Variants in KIAA1328 observed in about 807,000 individuals in gnomAD.
KIAA1328 encodes KIAA1328.
A neutral mutation model predicts 68.1 loss-of-function variants in KIAA1328; 52 were observed. The ratio of observed to expected loss-of-function variants is 0.76; its 90% CI spans 0.61 to 0.96. The LOEUF (loss-of-function observed/expected upper bound fraction) is 0.96, where lower values mean the gene tolerates loss of function less well. KIAA1328 is among the 40% of genes least tolerant of loss of function. KIAA1328 has a pLI of 0.00. For missense variants in KIAA1328, 641 were observed against 677.6 expected, an observed-to-expected ratio of 0.95 and a Z score of 0.60; for synonymous variants, 232 against 239.4, an observed-to-expected ratio of 0.97 and a Z score of 0.28.
At chr18:36,947,120 C>T (rs567393257) in intron 5 of KIAA1328, among the ~76,000 whole-genome samples, 3 of 152,180 alleles carry the variant, frequency 2.0e-5, no homozygotes, top group South Asian at 2.1e-4. Flanking sequence ...GCCGAGATCA[C>T]GCCACTGCAC....
intron 7 of KIAA1328, among the ~76,000 whole-genome samples, chr18:37,107,646 A>G (rs1299650089): frequency 6.6e-6 from 1 of 152,078 alleles, no homozygotes; most frequent in Non-Finnish European, 1.5e-5. Flanking sequence ...TATGTTCTTG[A>G]TTTCATTTTT....
At chr18:37,209,953 G>A (rs1342740814) in intron 9 of KIAA1328, among the ~76,000 whole-genome samples, 1 of 152,164 alleles carries the variant, frequency 6.6e-6, no homozygotes, top group Non-Finnish European at 1.5e-5. Context: ...AGATAGGAGA[G>A]CAAAGGACTG....
chr18:36,958,121 A>C (rs2051500576), intron 5 of KIAA1328, among the ~76,000 whole-genome samples: 1 of 152,098 alleles, frequency 6.6e-6, no homozygotes, highest in Non-Finnish European at 1.5e-5. Context: ...TCCATGTTGT[A>C]GCAGGTAGCA....
At chr18:36,829,280 G>C in intron 1 of KIAA1328, 84 bp downstream of exon 1, 1 of 1,441,576 alleles carries the variant, frequency 6.9e-7, no homozygotes. Context: ...GTCCGAGAGC[G>C]GAGGAGAAGC....
chr18:36,848,867 T>G (rs1182194810), intron 4 of KIAA1328, among the ~76,000 whole-genome samples: 2 of 151,846 alleles, frequency 1.3e-5, no homozygotes, highest in African/African-American at 4.8e-5. Flanking sequence ...ATTGATTGAT[T>G]TTTGAATGTT....
rs1407856155 is a variant in KIAA1328, at chr18:36,973,797, TTGTG to T, written c.576+14366_576+14369del. Among the ~76,000 whole-genome samples the T allele has an allele frequency of 3.0e-4, 35 of 118,584 alleles. No individual in the cohort carries two copies. In the East Asian group the frequency reaches 8.4e-3, roughly 29 times the overall value. 77.8% of individuals were successfully genotyped at this position (118,584 alleles called of 152,430 possible). A position where few individuals can be genotyped will look rare whatever the true frequency, so the allele number is the denominator to read the frequency against. On this transcript the variant is annotated intron_variant, in intron 6 of 9. Coordinates refer to ENST00000280020, the MANE Select transcript of KIAA1328 (RefSeq NM_020776.3). ...ACCAGGGACACAGTTTTATATATAA[TTGTG>T]TGTACGCACATACACACACACACAC... is the stretch of plus-strand genomic sequence containing the variant.
At chr18:36,960,100 C>A (rs753332462) in intron 6 of KIAA1328, among the ~76,000 whole-genome samples, 3 of 152,180 alleles carry the variant, frequency 2.0e-5, no homozygotes, top group Non-Finnish European at 4.4e-5. Context: ...AGGACACTTC[C>A]ACCCAAATAC....
At chr18:37,212,480 A>G (rs898648719) in intron 9 of KIAA1328, among the ~76,000 whole-genome samples, 4 of 152,180 alleles carry the variant, frequency 2.6e-5, no homozygotes, top group African/African-American at 9.7e-5. Context: ...CCCCTTGTTC[A>G]GAAAGAAGAA....
At chr18:36,934,281 G>C (rs1266825294) in intron 5 of KIAA1328, among the ~76,000 whole-genome samples, 4 of 151,696 alleles carry the variant, frequency 2.6e-5, no homozygotes, top group African/African-American at 7.3e-5. Context: ...GAGTATGTTT[G>C]TTTACTCCAT....
At chr18:37,110,246 CTG>C (rs1011860201) in intron 7 of KIAA1328, among the ~76,000 whole-genome samples, 2 of 151,952 alleles carry the variant, frequency 1.3e-5, no homozygotes, top group Non-Finnish European at 2.9e-5. Context: ...AAAAAAAAAT[CTG>C]TAAATGTATT....
chr18:37,107,183 G>GGGCCGGGGTCATGCCACTGTACTCC (rs2057798895), intron 7 of KIAA1328, among the ~76,000 whole-genome samples: 5 of 152,282 alleles, frequency 3.3e-5, no homozygotes, highest in African/African-American at 1.2e-4. Flanking sequence ...AGGCTGAAGT[G>GGGCCGGGGTCATGCCACTGTACTCC]GGCCGGGGTC....
chr18:37,066,697 G>C (rs1160271294), intron 6 of KIAA1328, among the ~76,000 whole-genome samples, 193 bp from the exon 7 acceptor site: 1 of 152,276 alleles, frequency 6.6e-6, no homozygotes, highest in Admixed American at 6.5e-5. Flanking sequence ...TTTACTGAAG[G>C]GTAGGTTGTT....
Position 37,224,902 on chromosome 18 carries a change from C to T in KIAA1328, c.*2675C>T. ...AAGGACACAGCATGTCCTTTGAACT[C>T]CCTAAGTAAGGCCCACAGTTCTTGA... On this transcript the variant is annotated 3_prime_UTR_variant, in exon 10 of 10. Coordinates refer to ENST00000280020, the MANE Select transcript of KIAA1328 (RefSeq NM_020776.3). 1.0e-6 allele frequency: 1 copy of T among 985,452 alleles called. No individual in the cohort carries two copies. Among genetic ancestry groups the T allele is most frequent in the Non-Finnish European group, 1.2e-6 (1 of 829,936 alleles). 61.0% of individuals were successfully genotyped at this position (985,452 alleles called of 1,614,324 possible).
chr18:36,982,044 G>A (rs1240922084), intron 6 of KIAA1328, among the ~76,000 whole-genome samples: 1 of 145,958 alleles, frequency 6.9e-6, no homozygotes, highest in Non-Finnish European at 1.5e-5. Flanking sequence ...AAATCATTGA[G>A]TTGTTGGACA....
In KIAA1328 at chr18:37,222,584, A is replaced by G. The variant is rs1191828449; in HGVS notation, c.*357A>G. 21 of 1,073,346 alleles carry G rather than the reference A, an allele frequency of 2.0e-5. No individual in the cohort carries two copies. Among genetic ancestry groups the G allele is most frequent in the Non-Finnish European group, 2.3e-5 (20 of 884,428 alleles). The allele number at this position is 1,073,346 out of a possible 1,614,324, so 66.5% of individuals were successfully genotyped here. ...TGCTAGAAAATGCTGACTCACTTTT[A>G]TATACAAGAAAAACCTTTCCACTGA... On this transcript the variant is annotated 3_prime_UTR_variant, in exon 10 of 10. Transcript: ENST00000280020.
At chr18:37,186,222 G>C (rs565880620) in intron 9 of KIAA1328, among the ~76,000 whole-genome samples, 2 of 145,218 alleles carry the variant, frequency 1.4e-5, no homozygotes, top group South Asian at 2.3e-4. Context: ...TCAGCCTCCC[G>C]AGTAGCTGGG....
At chr18:36,841,693 A>G (rs945536551) in intron 3 of KIAA1328, among the ~76,000 whole-genome samples, 1 of 152,242 alleles carries the variant, frequency 6.6e-6, no homozygotes, top group African/African-American at 2.4e-5. Context: ...TAAAAGAGCC[A>G]TAAGCAATAT....
intron 5 of KIAA1328, among the ~76,000 whole-genome samples, chr18:36,920,250 G>A (rs1208976493): frequency 6.6e-6 from 1 of 152,082 alleles, no homozygotes; most frequent in Non-Finnish European, 1.5e-5. Context: ...AGGGGCCTAG[G>A]TTCATTCTCC....
chr18:36,995,749 G>A (rs773299262), intron 6 of KIAA1328, among the ~76,000 whole-genome samples: 9 of 152,172 alleles, frequency 5.9e-5, no homozygotes, highest in Admixed American at 4.6e-4. Context: ...CAGATGACTG[G>A]ATTTGGAAAA....
Sources: allele counts gnomAD v4.1 joint callset (sites outside exome capture counted in the v4.1 genomes callset), GRCh38; gene constraint gnomAD v4.1.1; transcripts MANE v1.5; gene names NCBI Gene and HGNC (gene_info 2026-07-23, HGNC 2026-07-21).